Variants in ARHGAP6 observed in about 807,000 individuals in gnomAD.
ARHGAP6 encodes Rho GTPase activating protein 6.
A neutral mutation model predicts 55.7 loss-of-function variants in ARHGAP6; 16 were observed. That is an observed-to-expected ratio of 0.29 (90% CI 0.19 to 0.44). The LOEUF (loss-of-function observed/expected upper bound fraction) is 0.44. Ranked by LOEUF, ARHGAP6 falls within the 20% of genes least tolerant of loss-of-function variation. The probability of loss-of-function intolerance (pLI) is 1.00; values close to 1 mark genes in which losing one functional copy is unlikely to be tolerated. For missense variants in ARHGAP6, 698 were observed against 808.9 expected (o/e 0.86, Z 1.66); for synonymous variants, 382 against 360.9 (o/e 1.06, Z -0.66).
At chrX:11,441,189 G>A (rs1445105455) in intron 1 of ARHGAP6, among the ~76,000 whole-genome samples, 1 of 111,573 alleles carries the variant, frequency 9.0e-6, no homozygotes, top group Non-Finnish European at 1.9e-5. Flanking sequence ...AGAGGTAAAT[G>A]CGACTCCCAG....
At chrX:11,158,671 G>C (rs5934968) in intron 9 of ARHGAP6, among the ~76,000 whole-genome samples, 22,837 of 111,442 alleles carry the variant, frequency 0.2, 1,736 homozygotes, top group Middle Eastern at 0.33. Flanking sequence ...CTTGCATACT[G>C]TCCTCAATCT....
intron 1 of ARHGAP6, among the ~76,000 whole-genome samples, chrX:11,326,457 G>A: frequency 9.0e-6 from 1 of 111,051 alleles, no homozygotes; most frequent in Non-Finnish European, 1.9e-5. Context: ...ATGGAAAGCG[G>A]AATTTAAATT....
intron 2 of ARHGAP6, chrX:11,225,662 C>A: frequency 3.5e-6 from 2 of 575,382 alleles, no homozygotes; most frequent in Non-Finnish European, 5.4e-6. Flanking sequence ...TAGTTTTGTG[C>A]TTCTAGAGAA....
At chrX:11,550,570 G>A (rs141052421) in intron 1 of ARHGAP6, among the ~76,000 whole-genome samples, 1,590 of 111,925 alleles carry the variant, frequency 0.014, 14 homozygotes, top group Non-Finnish European at 0.023. Flanking sequence ...CCAAGGCTGA[G>A]AACTACTTGT....
At chrX:11,245,708 T>G (rs915702366) in intron 2 of ARHGAP6, among the ~76,000 whole-genome samples, 48 of 111,780 alleles carry the variant, frequency 4.3e-4, no homozygotes, top group Non-Finnish European at 2.4e-4. Context: ...GGAGAGAATA[T>G]TATAAAGAAT....
intron 1 of ARHGAP6, among the ~76,000 whole-genome samples, chrX:11,484,178 G>A (rs2050487331): frequency 9.0e-6 from 1 of 111,201 alleles, no homozygotes; most frequent in Non-Finnish European, 1.9e-5. Flanking sequence ...CAGTGTGCCC[G>A]AGCTTGAAAA....
chrX:11,277,714 A>ATTTTT lies in ARHGAP6; in HGVS notation c.589-23008_589-23007insAAAAA, dbSNP rs1569283190. Among the ~76,000 whole-genome samples the ATTTTT allele has an allele frequency of 2.1e-3, 225 of 106,006 alleles. 2 individuals are homozygous for ATTTTT. Among genetic ancestry groups the ATTTTT allele is most frequent in the African/African-American group, 7.3e-3 (214 of 29,413 alleles). 92.1% of individuals were successfully genotyped at this position (106,006 alleles called of 115,157 possible). A position where few individuals can be genotyped will look rare whatever the true frequency, so the allele number is the denominator to read the frequency against. The stretch of plus-strand genomic sequence containing the variant: ...TTCTAGTATTCTTTTTTTTTTTAAA[A>ATTTTT]AAAAATTAGCCCTGTAATGGCTATA... On this transcript the variant is annotated intron_variant, in intron 1 of 12. Transcript: ENST00000337414.
intron 1 of ARHGAP6, among the ~76,000 whole-genome samples, chrX:11,475,130 A>C (rs748179948): frequency 8.9e-6 from 1 of 111,981 alleles, no homozygotes; most frequent in South Asian, 3.7e-4. Context: ...AATATTCTGC[A>C]GTATTATCTT....
chrX:11,597,298 G>GA (rs1278600271), intron 1 of ARHGAP6, among the ~76,000 whole-genome samples: 1 of 111,803 alleles, frequency 8.9e-6, no homozygotes, highest in Non-Finnish European at 1.9e-5. Context: ...AACCTAAAGA[G>GA]AAAAAGAAAA....
At chrX:11,172,509 TA>T (rs201485455) in intron 8 of ARHGAP6, among the ~76,000 whole-genome samples, 16,026 of 110,522 alleles carry the variant, frequency 0.15, 969 homozygotes, top group Middle Eastern at 0.24. Context: ...TCTCATTTTT[TA>T]AAAAAAACAT....
At chrX:11,402,052 G>C (rs1009894915) in intron 1 of ARHGAP6, among the ~76,000 whole-genome samples, 1 of 111,611 alleles carries the variant, frequency 9.0e-6, no homozygotes, top group Non-Finnish European at 1.9e-5. Flanking sequence ...CTGAAAGATA[G>C]GTCTGCTGAC....
intron 1 of ARHGAP6, among the ~76,000 whole-genome samples, chrX:11,458,183 C>T (rs181202963): frequency 1.8e-4 from 20 of 112,534 alleles, no homozygotes; most frequent in Admixed American, 7.5e-4. Context: ...GCAGTCTTAG[C>T]TGTATTAAAG....
chrX:11,308,763 A>G (rs1447831494), intron 1 of ARHGAP6, among the ~76,000 whole-genome samples: 1 of 112,107 alleles, frequency 8.9e-6, no homozygotes, highest in Non-Finnish European at 1.9e-5. Context: ...TAACATTAAG[A>G]CCCATGCAAC....
chrX:11,446,647 TA>T (rs1286883475), intron 1 of ARHGAP6, among the ~76,000 whole-genome samples: 5 of 111,617 alleles, frequency 4.5e-5, no homozygotes, highest in African/African-American at 1.6e-4. Context: ...GAAAAAAAAT[TA>T]AAAAAACCTC....
At chrX:11,660,585 A>G (rs2052691455) in intron 1 of ARHGAP6, among the ~76,000 whole-genome samples, 1 of 94,421 alleles carries the variant, frequency 1.1e-5, no homozygotes, top group African/African-American at 3.9e-5. Context: ...AAAACCCAAC[A>G]GGTCTGATTT....
intron 1 of ARHGAP6, among the ~76,000 whole-genome samples, chrX:11,596,339 G>A (rs966092751): frequency 1.8e-5 from 2 of 111,328 alleles, no homozygotes; most frequent in South Asian, 3.8e-4. Context: ...ACCAAACATC[G>A]CATGTTGTCA....
rs2051387215 is a variant in ARHGAP6 at position 11,561,839 on chromosome X, G to C, written c.588+102402C>G. Among the ~76,000 whole-genome samples, 5 of 112,073 alleles carry C rather than the reference G, an allele frequency of 4.5e-5. No individual in the cohort carries two copies. The South Asian group carries it at 1.9e-3, about 42-fold the overall frequency. ...GGCTTCCTTGGTATCAGGAAGCATTGGTTGTTCCACATGAACACCAAGGAT... is the reference window on the plus strand; with the variant it reads ...GGCTTCCTTGGTATCAGGAAGCATTCGTTGTTCCACATGAACACCAAGGAT... On this transcript the variant is annotated intron_variant, in intron 1 of 12. Transcript: ENST00000337414.
At chrX:11,210,360 A>G (rs2046774754) in intron 2 of ARHGAP6, among the ~76,000 whole-genome samples, 1 of 112,657 alleles carries the variant, frequency 8.9e-6, no homozygotes, top group African/African-American at 3.2e-5. Flanking sequence ...TTACTGATGA[A>G]AGTTGTCAGT....
chrX:11,348,282 G>A (rs1250812149), intron 1 of ARHGAP6, among the ~76,000 whole-genome samples: 1 of 112,422 alleles, frequency 8.9e-6, no homozygotes, highest in African/African-American at 3.2e-5. Flanking sequence ...CAGTGGTTTT[G>A]GTTCGTAGGT....
Sources: gnomAD v4.1 joint callset for allele counts (sites outside exome capture counted in the v4.1 genomes callset) on GRCh38, gnomAD v4.1.1 for gene constraint, MANE v1.5 for transcripts, NCBI Gene and HGNC (gene_info 2026-07-23, HGNC 2026-07-21) for gene names.